The following CDH11 variants were observed in gnomAD, a reference collection of about 807,000 sequenced individuals.
The protein encoded by CDH11 is cadherin-11.
Under a neutral mutation model 67.8 loss-of-function variants are expected in CDH11, and 11 were observed. That is an observed-to-expected ratio of 0.16 (90% CI 0.10 to 0.27). The LOEUF (loss-of-function observed/expected upper bound fraction) is 0.27, where lower values mean the gene tolerates loss of function less well. CDH11 is among the 10% of genes least tolerant of loss of function. The probability of loss-of-function intolerance (pLI) is 1.00; values close to 1 mark genes in which losing one functional copy is unlikely to be tolerated. For synonymous variants in CDH11, 419 were observed against 400.0 expected, an observed-to-expected ratio of 1.05 and a Z score of -0.57; for missense variants, 847 against 1,031.2, an observed-to-expected ratio of 0.82 and a Z score of 2.45.
chr16:65,035,169 C>T (rs2073727722), intron 2 of CDH11, among the ~76,000 whole-genome samples: 1 of 152,250 alleles, frequency 6.6e-6, no homozygotes, highest in Admixed American at 6.5e-5. Context: ...GAAGGAACAC[C>T]TGTCAATCGG....
intron 1 of CDH11, among the ~76,000 whole-genome samples, chr16:65,110,624 A>ATGTGTGTGTGTG (rs57316241): frequency 1.5e-5 from 2 of 135,828 alleles, no homozygotes; most frequent in South Asian, 5.3e-4. Flanking sequence ...ATGGCCAATG[A>ATGTGTGTGTGTG]TGTGTGTGTG....
intron 2 of CDH11, among the ~76,000 whole-genome samples, chr16:65,051,063 G>A (rs550273678): frequency 2.0e-5 from 3 of 152,310 alleles, no homozygotes; most frequent in East Asian, 3.9e-4. Context: ...AGGCTTCGGA[G>A]CAAATGAGTG....
chr16:64,980,286 G>A (rs1290318826), intron 8 of CDH11, among the ~76,000 whole-genome samples: 1 of 152,086 alleles, frequency 6.6e-6, no homozygotes, highest in Non-Finnish European at 1.5e-5. Flanking sequence ...AAAAGCAAAT[G>A]GCAGCCAGAT....
chr16:64,984,395 T>C (rs1185739547), intron 7 of CDH11, among the ~76,000 whole-genome samples: 1 of 152,214 alleles, frequency 6.6e-6, no homozygotes, highest in African/African-American at 2.4e-5. Context: ...GCTTAACATT[T>C]AGACATTTGC....
intron 2 of CDH11, among the ~76,000 whole-genome samples, chr16:65,005,606 G>A (rs1477702445): frequency 6.6e-6 from 1 of 152,138 alleles, no homozygotes; most frequent in African/African-American, 2.4e-5. Context: ...AGGGATGTAG[G>A]GGAAGATCCC....
At chr16:65,095,234 G>A (rs992962312) in intron 1 of CDH11, among the ~76,000 whole-genome samples, 1 of 152,030 alleles carries the variant, frequency 6.6e-6, no homozygotes, top group African/African-American at 2.4e-5. Flanking sequence ...ACAAGCATTG[G>A]TGGCATACAA....
At chr16:65,108,530 T>C (rs2075103770) in intron 1 of CDH11, among the ~76,000 whole-genome samples, 1 of 151,964 alleles carries the variant, frequency 6.6e-6, no homozygotes, top group Non-Finnish European at 1.5e-5. Context: ...GAAGGTGGAG[T>C]GAAGTTGTTC....
At chr16:65,077,663 T>C (rs957197182) in intron 1 of CDH11, among the ~76,000 whole-genome samples, 4 of 152,194 alleles carry the variant, frequency 2.6e-5, no homozygotes, top group Non-Finnish European at 4.4e-5. Flanking sequence ...GGTTTTACAA[T>C]CAACACAATA....
At chr16:65,023,735 G>A (rs2073476666) in intron 2 of CDH11, among the ~76,000 whole-genome samples, 1 of 152,174 alleles carries the variant, frequency 6.6e-6, no homozygotes, top group African/African-American at 2.4e-5. Flanking sequence ...TTTGTAAACT[G>A]TCATGGCACT....
Position 64,945,583 on chromosome 16 carries a change from A to G in CDH11, c.*2020T>C, listed in dbSNP as rs1596996120. 5 of 1,030,044 alleles carry G rather than the reference A, an allele frequency of 4.9e-6. No homozygotes were observed. In the East Asian group the frequency reaches 3.1e-4, roughly 63 times the overall value. The allele number at this position is 1,030,044 out of a possible 1,614,324, so 63.8% of individuals were successfully genotyped here. On this transcript the variant is annotated 3_prime_UTR_variant, in exon 13 of 13. Coordinates refer to ENST00000268603, the MANE Select transcript of CDH11 (RefSeq NM_001797.4). Reference sequence around the variant, plus strand: ...AAATATTCTTTGGATTACAAAAACTATATAAAAAAATGAACACAACCTGCA... The same window carrying G: ...AAATATTCTTTGGATTACAAAAACTGTATAAAAAAATGAACACAACCTGCA...
At chr16:64,984,094 A>C (rs187767449) in intron 7 of CDH11, among the ~76,000 whole-genome samples, 9 of 152,276 alleles carry the variant, frequency 5.9e-5, no homozygotes, top group African/African-American at 1.9e-4. Context: ...GTACTTTCCC[A>C]GTTTGGCGAG....
chr16:65,073,656 A>G (rs1010569105), intron 1 of CDH11, among the ~76,000 whole-genome samples: 1 of 152,072 alleles, frequency 6.6e-6, no homozygotes, highest in African/African-American at 2.4e-5. Context: ...ACCCTGGGCC[A>G]GTGACTCACT....
At chr16:64,979,848 TGTG>T (rs1180426792) in intron 8 of CDH11, among the ~76,000 whole-genome samples, 13 of 144,460 alleles carry the variant, frequency 9.0e-5, no homozygotes, top group African/African-American at 3.0e-4. Context: ...GCAAATAAAA[TGTG>T]GTGCACCCAT....
chr16:65,107,657 G>A lies in CDH11; in HGVS notation c.-298+14223C>T, dbSNP rs1444972447. On this transcript the variant is annotated intron_variant, in intron 1 of 12. Coordinates refer to ENST00000268603, the MANE Select transcript of CDH11 (RefSeq NM_001797.4). Reference sequence around the variant, plus strand: ...TGAAAGTATCCCATAAAGGGTTTCAGAATGATGTCTCACTATCACCCTCTG... The same window carrying A: ...TGAAAGTATCCCATAAAGGGTTTCAAAATGATGTCTCACTATCACCCTCTG... 2.6e-5 allele frequency among the ~76,000 whole-genome samples: 4 copies of A among 152,226 alleles called. 1 individual carries two copies. Among genetic ancestry groups the A allele is most frequent in the African/African-American group, 9.6e-5 (4 of 41,456 alleles).
In CDH11 at chr16:64,972,002, C is replaced by A. The variant is rs2072017348; in HGVS notation, c.1453G>T (p.Ala485Ser). ...TCATAAGGGGCAGCAAACTTGGGAG[C>A]ATTATCGTTGACATCAAGGACCCTA... ...AIRVLDVNDN[A>S]PKFAAPYEGF... The change falls in exon 10 of 13, where the codon GCT becomes TCT. Residue 485 changes from alanine to serine, a missense_variant. Physicochemically the swap from Ala to Ser is moderately conservative, Grantham distance 99. Around this residue, in one of 2 missense-constraint regions of CDH11, gnomAD observed 612 missense variants for 678.7 expected, o/e 0.90. Transcript: ENST00000268603. 2 of 1,613,722 alleles carry A rather than the reference C, an allele frequency of 1.2e-6. No individual in the cohort carries two copies. The highest frequency in any genetic ancestry group is 2.2e-5 in the East Asian group (1 of 44,874).
chr16:65,008,589 A>T (rs1014535178), intron 2 of CDH11, among the ~76,000 whole-genome samples: 7 of 152,222 alleles, frequency 4.6e-5, no homozygotes, highest in Admixed American at 3.9e-4. Flanking sequence ...CTTCTCTTAA[A>T]GGATGAGGAA....
chr16:65,107,198 C>G (rs1299651692), intron 1 of CDH11, among the ~76,000 whole-genome samples: 1 of 152,134 alleles, frequency 6.6e-6, no homozygotes, highest in Non-Finnish European at 1.5e-5. Flanking sequence ...TCTCTTGGCT[C>G]AAAGCCCTGC....
chr16:65,048,263 GAAGA>G (rs1452112444), intron 2 of CDH11, among the ~76,000 whole-genome samples: 2 of 152,152 alleles, frequency 1.3e-5, no homozygotes, highest in African/African-American at 4.8e-5. Context: ...AGCAGAATGT[GAAGA>G]AAGAGGAATG....
intron 2 of CDH11, among the ~76,000 whole-genome samples, chr16:65,034,344 C>G (rs1331192713): frequency 1.3e-5 from 2 of 152,146 alleles, no homozygotes; most frequent in African/African-American, 4.8e-5. Context: ...GCTGCTTAAG[C>G]CATCAATTTG....
Sources: allele counts gnomAD v4.1 joint callset (sites outside exome capture counted in the v4.1 genomes callset), GRCh38; gene constraint gnomAD v4.1.1; regional missense constraint gnomAD v4.1.1; transcripts MANE v1.5; gene names NCBI Gene and HGNC (gene_info 2026-07-23, HGNC 2026-07-21).